CNTN5: variants seen among roughly 807,000 people sequenced by gnomAD.
The protein encoded by CNTN5 is contactin 5, also known as contactin-5.
Under a neutral mutation model 129.1 loss-of-function variants are expected in CNTN5, and 77 were observed. The observed-to-expected ratio is 0.60, with a 90% CI of 0.50 to 0.72. CNTN5 has a LOEUF of 0.72. Among genes scored for constraint, CNTN5 ranks in the 30% least tolerant of loss-of-function variants. The pLI is 0.00. For synonymous variants in CNTN5, 509 were observed against 465.6 expected (o/e 1.09, Z -1.20); for missense variants, 1,478 against 1,328.8 (o/e 1.11, Z -1.75).
At chr11:99,535,511 T>G (rs1373888200) in intron 2 of CNTN5, among the ~76,000 whole-genome samples, 1 of 152,148 alleles carries the variant, frequency 6.6e-6, no homozygotes, top group African/African-American at 2.4e-5. Context: ...TTGGATCCCA[T>G]TAGAATCACA....
At chr11:99,509,819 T>C (rs1946767786) in intron 2 of CNTN5, among the ~76,000 whole-genome samples, 3 of 151,964 alleles carry the variant, frequency 2.0e-5, no homozygotes, top group Admixed American at 6.6e-5. Flanking sequence ...ATTAATTTTC[T>C]CAACTTAGAA....
intron 3 of CNTN5, among the ~76,000 whole-genome samples, chr11:99,644,968 GA>G (rs895916159): frequency 2.2e-4 from 33 of 150,880 alleles, no homozygotes; most frequent in African/African-American, 5.1e-4. Flanking sequence ...AAAAAGATAT[GA>G]AAAAAAAAAT....
Position 99,407,302 on chromosome 11 carries a change from A to G in CNTN5, c.-71+81818A>G, listed in dbSNP as rs576249237. On this transcript the variant is annotated intron_variant, in intron 2 of 24. Transcript: ENST00000524871. ...CCTGACAGGCCTAGTGCTTCTATTC[A>G]AATCAGCGGGTTCCCTTCTGGCTCA... Among the ~76,000 whole-genome samples, 3 of 152,200 alleles carry G rather than the reference A, an allele frequency of 2.0e-5. No homozygotes were observed. In the South Asian group the frequency reaches 6.2e-4, roughly 32 times the overall value.
Position 99,498,682 on chromosome 11 carries a change from G to A in CNTN5, c.-70-57463G>A, listed in dbSNP as rs938680356. 2.0e-5 allele frequency among the ~76,000 whole-genome samples: 3 copies of A among 152,128 alleles called. No individual in the cohort carries two copies. The East Asian group carries it at 5.8e-4, about 29-fold the overall frequency. Reference sequence around the variant, plus strand: ...AAGCCAACCATTATATCTCATACCTGTGTCACCAGTGAGGGGTTTAAGAAT... The same window carrying A: ...AAGCCAACCATTATATCTCATACCTATGTCACCAGTGAGGGGTTTAAGAAT... On this transcript the variant is annotated intron_variant, in intron 2 of 24. Coordinates refer to ENST00000524871, the MANE Select transcript of CNTN5 (RefSeq NM_014361.4).
At chr11:99,134,735 ACCAT>A (rs144391443) in intron 1 of CNTN5, among the ~76,000 whole-genome samples, 22,942 of 152,098 alleles carry the variant, frequency 0.15, 2,139 homozygotes, top group East Asian at 0.41. Flanking sequence ...AATTATAGCA[ACCAT>A]CAAACAAAAC....
chr11:99,391,825 T>G (rs1941277134), intron 2 of CNTN5, among the ~76,000 whole-genome samples: 1 of 151,962 alleles, frequency 6.6e-6, no homozygotes, highest in African/African-American at 2.4e-5. Context: ...GATACCCTTG[T>G]CATATTAGGT....
At chr11:99,124,037 A>G (rs1858495724) in intron 1 of CNTN5, among the ~76,000 whole-genome samples, 2 of 151,900 alleles carry the variant, frequency 1.3e-5, no homozygotes, top group African/African-American at 2.4e-5. Flanking sequence ...ATCCATATGA[A>G]TTGTATTTAT....
At position 100,125,004 on chromosome 11, in the gene CNTN5, C is replaced by T. The variant is rs575113138; in HGVS notation, c.1580+50710C>T. 3.3e-5 allele frequency among the ~76,000 whole-genome samples: 5 copies of T among 152,028 alleles called. No individual in the cohort carries two copies. The East Asian group carries it at 5.8e-4, about 18-fold the overall frequency. ...AATTTCTGATTCTGTAGATCTGGGG[C>T]GAGGCCTGGAAATTTGCATTTCTAA... On this transcript the variant is annotated intron_variant, in intron 13 of 24. Coordinates refer to ENST00000524871, the MANE Select transcript of CNTN5 (RefSeq NM_014361.4).
chr11:99,521,124 CT>C (rs1947260235), intron 2 of CNTN5, among the ~76,000 whole-genome samples: 1 of 152,124 alleles, frequency 6.6e-6, no homozygotes, highest in South Asian at 2.1e-4. Flanking sequence ...ATGCTGAATC[CT>C]TTCTTTTCCT....
intron 7 of CNTN5, among the ~76,000 whole-genome samples, chr11:99,927,100 A>G (rs1160571318): frequency 6.6e-6 from 1 of 152,200 alleles, no homozygotes; most frequent in African/African-American, 2.4e-5. Flanking sequence ...TACTTGAGTT[A>G]TATTATTTGG....
intron 13 of CNTN5, among the ~76,000 whole-genome samples, chr11:100,124,177 A>G (rs1293476173): frequency 6.6e-6 from 1 of 152,028 alleles, no homozygotes; most frequent in Non-Finnish European, 1.5e-5. Flanking sequence ...CAGAATTGTT[A>G]AAATAGTTTG....
intron 8 of CNTN5, among the ~76,000 whole-genome samples, chr11:99,982,314 A>G (rs1741806264): frequency 6.6e-6 from 1 of 152,214 alleles, no homozygotes; most frequent in African/African-American, 2.4e-5. Context: ...GCAACAGGGA[A>G]CCACTGATGT....
At chr11:100,131,162 G>A (rs972995816) in intron 13 of CNTN5, among the ~76,000 whole-genome samples, 1 of 152,042 alleles carries the variant, frequency 6.6e-6, no homozygotes, top group Admixed American at 6.6e-5. Context: ...GCTTTTGTGT[G>A]GAATGAAATG....
intron 13 of CNTN5, among the ~76,000 whole-genome samples, chr11:100,093,622 A>G (rs1472264999): frequency 6.6e-6 from 1 of 152,024 alleles, no homozygotes; most frequent in Non-Finnish European, 1.5e-5. Flanking sequence ...TTTTGAAAAT[A>G]TATATAATAA....
At chr11:99,611,546 A>T (rs1950593335) in intron 3 of CNTN5, among the ~76,000 whole-genome samples, 1 of 152,190 alleles carries the variant, frequency 6.6e-6, no homozygotes, top group African/African-American at 2.4e-5. Flanking sequence ...TGGTTGAGTA[A>T]ATACACAGAG....
At chr11:99,096,570 A>T (rs1339587110) in intron 1 of CNTN5, among the ~76,000 whole-genome samples, 1 of 151,864 alleles carries the variant, frequency 6.6e-6, no homozygotes, top group Non-Finnish European at 1.5e-5. Flanking sequence ...TAATTCTTTA[A>T]GATAGGAAAA....
intron 15 of CNTN5, among the ~76,000 whole-genome samples, chr11:100,217,811 G>T (rs1389662066): frequency 1.3e-5 from 2 of 152,140 alleles, no homozygotes; most frequent in Non-Finnish European, 2.9e-5. Context: ...GAGATTTCAA[G>T]AGAAAGTTGA....
chr11:100,095,373 T>C (rs1359349460), intron 13 of CNTN5, among the ~76,000 whole-genome samples: 1 of 151,386 alleles, frequency 6.6e-6, no homozygotes, highest in Non-Finnish European at 1.5e-5. Context: ...ACCAGAAGTC[T>C]TTTTATAATT....
chr11:100,185,803 C>T (rs1948285390), intron 13 of CNTN5, among the ~76,000 whole-genome samples: 1 of 152,168 alleles, frequency 6.6e-6, no homozygotes, highest in Admixed American at 6.6e-5. Context: ...CACGTGAGCA[C>T]ACGGTGAGAA....
Sources: gnomAD v4.1 joint callset for allele counts (sites outside exome capture counted in the v4.1 genomes callset) on GRCh38, gnomAD v4.1.1 for gene constraint, MANE v1.5 for transcripts, NCBI Gene and HGNC (gene_info 2026-07-23, HGNC 2026-07-21) for gene names.